Variants in EPG5 observed in about 807,000 individuals in gnomAD.
EPG5 encodes ectopic P-granules 5 autophagy tethering factor.
A neutral mutation model predicts 302.7 loss-of-function variants in EPG5; 159 were observed. The observed-to-expected ratio is 0.53, with a 90% CI of 0.46 to 0.60. EPG5 has a LOEUF of 0.60. Ranked by LOEUF, EPG5 falls within the 20% of genes least tolerant of loss-of-function variation. The pLI, the probability that EPG5 is intolerant of heterozygous loss-of-function variation, is 0.00. For synonymous variants in EPG5, 1,158 were observed against 1,136.8 expected (o/e 1.02, Z -0.37); for missense variants, 2,896 against 3,092.4 (o/e 0.94, Z 1.51).
At chr18:45,922,746 T>A in intron 15 of EPG5, 146 bp from the exon 16 acceptor site, 1 of 980,178 alleles carries the variant, frequency 1.0e-6, no homozygotes, top group Non-Finnish European at 1.5e-6. Flanking sequence ...TTCACTGCAC[T>A]ACATCAAAGC....
In EPG5 at chr18:45,887,926, A is replaced by G. The variant is rs745536154; in HGVS notation, c.4953-19T>C. 1.3e-6 allele frequency: 2 copies of G among 1,525,706 alleles called. No individual in the cohort carries two copies. The highest frequency in any genetic ancestry group is 1.8e-4 in the Middle Eastern group (1 of 5,542). 94.5% of individuals were successfully genotyped at this position (1,525,706 alleles called of 1,614,324 possible). A position where few individuals can be genotyped will look rare whatever the true frequency, so the allele number is the denominator to read the frequency against. On this transcript the variant is annotated intron_variant, in intron 28 of 43. Coordinates refer to ENST00000282041, the MANE Select transcript of EPG5 (RefSeq NM_020964.3). ...TAAGGCCCTGTGGGAAAATGTGGGT[A>G]AGACTGCAGTCTACAGTAAAAGATT...
chr18:45,863,070 A>G (rs1461310782), intron 39 of EPG5, among the ~76,000 whole-genome samples: 2 of 152,126 alleles, frequency 1.3e-5, no homozygotes, highest in African/African-American at 4.8e-5. Flanking sequence ...TGGCTTTTAC[A>G]AAGTTTTCTG....
At chr18:45,887,258 G>A (rs185718661) in intron 29 of EPG5, among the ~76,000 whole-genome samples, 552 of 152,240 alleles carry the variant, frequency 3.6e-3, no homozygotes, top group Non-Finnish European at 5.5e-3. Flanking sequence ...ACTAGCAACC[G>A]GGACACAGCA....
At chr18:45,959,363 G>A (rs886775617) in intron 1 of EPG5, among the ~76,000 whole-genome samples, 11 of 151,678 alleles carry the variant, frequency 7.3e-5, no homozygotes, top group African/African-American at 2.7e-4. Flanking sequence ...AATAGGGGCC[G>A]GGCCAGGCAT....
At chr18:45,840,655 C>A in the EPG5 span, among the ~76,000 whole-genome samples, 2 of 152,228 alleles carry the variant, frequency 1.3e-5, no homozygotes, top group African/African-American at 4.8e-5. Flanking sequence ...ATCACTGACT[C>A]CTGGGTCATA....
chr18:45,873,568 C>T (rs2048914635), intron 35 of EPG5, among the ~76,000 whole-genome samples: 1 of 151,440 alleles, frequency 6.6e-6, no homozygotes, highest in African/African-American at 2.4e-5. Context: ...ATTTGGTGCT[C>T]AAATCTTTTT....
intron 40 of EPG5, among the ~76,000 whole-genome samples, 171 bp from the exon 41 acceptor site, chr18:45,858,953 A>G (rs2048575443): frequency 6.6e-6 from 1 of 152,188 alleles, no homozygotes; most frequent in African/African-American, 2.4e-5. Context: ...TGGAGGCTAC[A>G]AAAGTCAAAT....
chr18:45,882,550 G>A, intron 30 of EPG5, 63 bp from the exon 31 acceptor site: 1 of 1,395,266 alleles, frequency 7.2e-7, no homozygotes, highest in South Asian at 1.3e-5. Flanking sequence ...TAAGAGGAGA[G>A]AGGTCTGTGT....
At chr18:45,810,069 C>G in the EPG5 span, among the ~76,000 whole-genome samples, 8 of 152,208 alleles carry the variant, frequency 5.3e-5, no homozygotes, top group East Asian at 1.2e-3. Context: ...AAAGATCATT[C>G]AAGGATACTA....
chr18:45,846,477 C>T (rs536672656), downstream of EPG5, among the ~76,000 whole-genome samples: 7 of 140,712 alleles, frequency 5.0e-5, no homozygotes, highest in Middle Eastern at 3.7e-3. Context: ...GCCGAGATCG[C>T]GCCACTGCAC....
intron 34 of EPG5, among the ~76,000 whole-genome samples, chr18:45,877,311 C>G (rs2145374661): frequency 6.6e-6 from 1 of 152,246 alleles, no homozygotes; most frequent in Non-Finnish European, 1.5e-5. Context: ...TCCAGCTACT[C>G]AGGGGGCTGA....
chr18:45,960,148 G>T (rs571318878), intron 1 of EPG5, among the ~76,000 whole-genome samples: 15 of 152,238 alleles, frequency 9.9e-5, no homozygotes, highest in African/African-American at 3.6e-4. Context: ...AGACACAGAA[G>T]GAAGACATAA....
At chr18:45,886,651 A>G (rs1473376156) in intron 29 of EPG5, among the ~76,000 whole-genome samples, 1 of 152,174 alleles carries the variant, frequency 6.6e-6, no homozygotes, top group Non-Finnish European at 1.5e-5. Flanking sequence ...ATTGCTTATA[A>G]TAAGCATACA....
the EPG5 span, among the ~76,000 whole-genome samples, chr18:45,812,920 G>T: frequency 1.3e-5 from 2 of 152,172 alleles, no homozygotes; most frequent in Non-Finnish European, 2.9e-5. Context: ...TTGACAAGTG[G>T]GATCTGATTA....
rs751446448 is a variant in EPG5 at position 45,882,389 on chromosome 18, A to G, written c.5403T>C (p.Leu1801=). The part of the protein sequence containing the change: ...SIHLALTAWG[L]EPDEDILMPF... ...GCATCAAAATATCCTCATCTGGTTCAAGGCCCCAGGCAGTAAGTGCCAAGT... is the reference window on the plus strand; with the variant it reads ...GCATCAAAATATCCTCATCTGGTTCGAGGCCCCAGGCAGTAAGTGCCAAGT... Residue 1801 remains leucine, a synonymous_variant, in exon 31 of 44, where the codon CTT becomes CTC. Coordinates refer to ENST00000282041, the MANE Select transcript of EPG5 (RefSeq NM_020964.3). The G allele has an allele frequency of 3.7e-6, 6 of 1,614,242 alleles. No homozygotes were observed. In the South Asian group the frequency reaches 6.6e-5, roughly 18 times the overall value.
chr18:45,879,264 AAAG>A, intron 32 of EPG5, 50 bp from the exon 33 acceptor site: 1 of 1,397,152 alleles, frequency 7.2e-7, no homozygotes, highest in Non-Finnish European at 9.9e-7. Context: ...GTATTTTAGT[AAAG>A]TGTTATGATA....
chr18:45,915,970 C>A, intron 19 of EPG5, 39 bp downstream of exon 19: 1 of 1,539,982 alleles, frequency 6.5e-7, no homozygotes. Context: ...CTTTATCTAG[C>A]CAATCACTGA....
chr18:45,936,337 A>G (rs1194070717), intron 10 of EPG5, among the ~76,000 whole-genome samples: 1 of 152,252 alleles, frequency 6.6e-6, no homozygotes, highest in Non-Finnish European at 1.5e-5. Context: ...AAAAACAATC[A>G]GCACTCAATA....
At chr18:45,807,673 A>C in the EPG5 span, among the ~76,000 whole-genome samples, 1 of 152,238 alleles carries the variant, frequency 6.6e-6, no homozygotes, top group Non-Finnish European at 1.5e-5. Context: ...ATCCATAGGA[A>C]AAGGGAGAGA....
Sources: gnomAD v4.1 joint callset for allele counts (sites outside exome capture counted in the v4.1 genomes callset) on GRCh38, gnomAD v4.1.1 for gene constraint, MANE v1.5 for transcripts, NCBI Gene and HGNC (gene_info 2026-07-23, HGNC 2026-07-21) for gene names.